The following EPHA3 variants were observed in gnomAD, a reference collection of about 807,000 sequenced individuals.
EPHA3 encodes the protein ephrin type-A receptor 3.
A neutral mutation model predicts 107.1 loss-of-function variants in EPHA3; 42 were observed. That is an observed-to-expected ratio of 0.39 (90% confidence interval 0.31 to 0.51). EPHA3 has a LOEUF of 0.51. EPHA3 is among the 20% of genes least tolerant of loss of function. The probability of loss-of-function intolerance (pLI) is 0.78; values close to 1 mark genes in which losing one functional copy is unlikely to be tolerated. For missense variants in EPHA3, 1,183 were observed against 1,211.2 expected (o/e 0.98, Z 0.35); for synonymous variants, 461 against 424.8 (o/e 1.09, Z -1.05).
chr3:89,146,970 A>C (rs1704572123), intron 2 of EPHA3, among the ~76,000 whole-genome samples: 1 of 151,958 alleles, frequency 6.6e-6, no homozygotes, highest in Non-Finnish European at 1.5e-5. Context: ...GATAAGGAAA[A>C]TGTGGTATAT....
chr3:89,226,432 T>A (rs1324420090), intron 3 of EPHA3, among the ~76,000 whole-genome samples: 3 of 152,156 alleles, frequency 2.0e-5, no homozygotes, highest in Non-Finnish European at 4.4e-5. Context: ...GAAAGTCTTT[T>A]TCCTAAACGT....
intron 13 of EPHA3, among the ~76,000 whole-genome samples, chr3:89,437,588 T>A (rs893880193): frequency 1.3e-5 from 2 of 152,212 alleles, no homozygotes; most frequent in Non-Finnish European, 2.9e-5. Context: ...ACTGAATGAT[T>A]TTTCAATTTT....
chr3:89,128,947 A>C (rs1483585434), intron 2 of EPHA3, among the ~76,000 whole-genome samples: 1 of 152,048 alleles, frequency 6.6e-6, no homozygotes, highest in Non-Finnish European at 1.5e-5. Context: ...GCTATGTTGG[A>C]GGTAGACAGT....
At chr3:89,362,354 C>A (rs139330975) in intron 5 of EPHA3, among the ~76,000 whole-genome samples, 1 of 151,182 alleles carries the variant, frequency 6.6e-6, no homozygotes, top group East Asian at 1.9e-4. Context: ...ATAGTGACTG[C>A]TGCAGTAACA....
Position 89,419,386 on chromosome 3 carries a change from C to T in EPHA3, c.2070C>T (p.Thr690=). 1 of 1,585,762 alleles carries T rather than the reference C, an allele frequency of 6.3e-7. No homozygotes were observed. Among genetic ancestry groups the T allele is most frequent in the Non-Finnish European group, 8.6e-7 (1 of 1,166,854 alleles). ...TCATTCGACTGGAAGGAGTTGTTAC[C>T]AAAAGTAAGTAAAGTAGTCATAAGA... is the stretch of plus-strand genomic sequence containing the variant. ...PNIIRLEGVV[T]KSKPVMIVTE... The change falls in exon 11 of 17, where the codon ACC becomes ACT. Residue 690 remains threonine, a synonymous_variant. Transcript: ENST00000336596.
chr3:89,251,413 A>G (rs1705164668), intron 3 of EPHA3, among the ~76,000 whole-genome samples: 1 of 152,110 alleles, frequency 6.6e-6, no homozygotes, highest in Admixed American at 6.5e-5. Context: ...ATTCTGGGCC[A>G]AATAAATTTA....
intron 5 of EPHA3, among the ~76,000 whole-genome samples, chr3:89,375,650 A>G (rs536906967): frequency 1.3e-5 from 2 of 152,040 alleles, no homozygotes; most frequent in South Asian, 2.1e-4. Context: ...CTTCCAGCCT[A>G]AAGTGCATGA....
chr3:89,471,870 TA>T (rs1336177060), intron 15 of EPHA3, among the ~76,000 whole-genome samples: 1 of 152,060 alleles, frequency 6.6e-6, no homozygotes, highest in African/African-American at 2.4e-5. Flanking sequence ...TGGTGTCAAG[TA>T]TGCAAGAATG....
chr3:89,369,049 G>A (rs1188560441), intron 5 of EPHA3, among the ~76,000 whole-genome samples: 4 of 150,450 alleles, frequency 2.7e-5, no homozygotes, highest in East Asian at 3.9e-4. Context: ...CTTAGTCATC[G>A]TTTTCTCTGC....
intron 2 of EPHA3, among the ~76,000 whole-genome samples, chr3:89,145,865 G>T (rs1455680628): frequency 1.3e-5 from 2 of 151,476 alleles, no homozygotes; most frequent in Non-Finnish European, 2.9e-5. Flanking sequence ...ACACCACTGT[G>T]TAATAATATC....
At chr3:89,317,800 TTGTATTAGA>T (rs1210625870) in intron 3 of EPHA3, among the ~76,000 whole-genome samples, 4 of 151,818 alleles carry the variant, frequency 2.6e-5, no homozygotes, top group South Asian at 2.1e-4. Flanking sequence ...AGAGAACATT[TTGTATTAGA>T]TCAAAAATAA....
At chr3:89,255,537 C>A (rs182811882) in intron 3 of EPHA3, among the ~76,000 whole-genome samples, 123 of 152,328 alleles carry the variant, frequency 8.1e-4, no homozygotes, top group Non-Finnish European at 1.5e-3. Context: ...GGCCATATGG[C>A]CTGTAAAGCC....
At chr3:89,140,433 T>C (rs1343697733) in intron 2 of EPHA3, among the ~76,000 whole-genome samples, 2 of 151,778 alleles carry the variant, frequency 1.3e-5, no homozygotes, top group Non-Finnish European at 2.9e-5. Flanking sequence ...CTTTCTGAAC[T>C]GCTAAAATAA....
intron 16 of EPHA3, among the ~76,000 whole-genome samples, chr3:89,473,282 A>G (rs1370977484): frequency 1.3e-5 from 2 of 152,214 alleles, no homozygotes; most frequent in Non-Finnish European, 2.9e-5. Context: ...ATGTGTTAAA[A>G]ACCAATAATA....
chr3:89,175,728 G>T (rs1172840790), intron 2 of EPHA3, among the ~76,000 whole-genome samples: 3 of 152,046 alleles, frequency 2.0e-5, no homozygotes, highest in African/African-American at 7.2e-5. Context: ...CTTCCTAAAA[G>T]GACGGGTTGT....
intron 3 of EPHA3, among the ~76,000 whole-genome samples, chr3:89,243,045 G>A (rs1238232933): frequency 1.3e-5 from 2 of 151,668 alleles, no homozygotes; most frequent in African/African-American, 4.8e-5. Context: ...GAGAATGATG[G>A]TTTCCAGCTT....
chr3:89,346,335 T>G (rs948517075), intron 5 of EPHA3, among the ~76,000 whole-genome samples: 4 of 136,396 alleles, frequency 2.9e-5, no homozygotes, highest in South Asian at 2.2e-4. Flanking sequence ...TGGTATCTCA[T>G]AGTGGTTTTG....
intron 13 of EPHA3, among the ~76,000 whole-genome samples, chr3:89,447,708 C>T (rs768378162): frequency 1.3e-5 from 2 of 152,094 alleles, no homozygotes; most frequent in East Asian, 1.9e-4. Flanking sequence ...TTTATTGAGT[C>T]CTTACTATGT....
intron 2 of EPHA3, among the ~76,000 whole-genome samples, chr3:89,179,196 T>A (rs746003707): frequency 7.2e-5 from 11 of 152,092 alleles, no homozygotes; most frequent in Non-Finnish European, 1.5e-4. Context: ...GAAATTATAT[T>A]TGAGATGGAA....
Sources: allele counts gnomAD v4.1 joint callset (sites outside exome capture counted in the v4.1 genomes callset), GRCh38; gene constraint gnomAD v4.1.1; transcripts MANE v1.5; gene names NCBI Gene and HGNC (gene_info 2026-07-23, HGNC 2026-07-21).